The following ALMS1 variants were observed in gnomAD, a reference collection of about 807,000 sequenced individuals.
ALMS1 encodes the protein ALMS1 centrosome and basal body associated protein.
A neutral mutation model predicts 352.2 loss-of-function variants in ALMS1; 271 were observed. That is an observed-to-expected ratio of 0.77 (90% CI 0.70 to 0.85). The LOEUF is 0.85. ALMS1 is among the 40% of genes least tolerant of loss of function. ALMS1 has a pLI of 0.00. For synonymous variants in ALMS1, 1,865 were observed against 1,761.2 expected, an observed-to-expected ratio of 1.06 and a Z score of -1.48; for missense variants, 5,445 against 4,870.7, an observed-to-expected ratio of 1.12 and a Z score of -3.51.
intron 1 of ALMS1, 146 bp from the exon 2 acceptor site, chr2:73,408,476 C>A: frequency 2.1e-6 from 2 of 931,246 alleles, no homozygotes; most frequent in Non-Finnish European, 3.3e-6. Flanking sequence ...AGGATAATAG[C>A]TTGTATAATG....
intron 10 of ALMS1, among the ~76,000 whole-genome samples, chr2:73,501,786 C>T (rs1241956289): frequency 6.6e-6 from 1 of 152,034 alleles, no homozygotes; most frequent in East Asian, 1.9e-4. Flanking sequence ...TTTGCATTTT[C>T]ATACAAATTT....
In ALMS1 at chr2:73,491,475, G is replaced by A; in HGVS notation, c.9516G>A (p.Glu3172=). 6.2e-7 allele frequency: 1 copy of A among 1,614,030 alleles called. No individual in the cohort carries two copies. Among genetic ancestry groups the A allele is most frequent in the Non-Finnish European group, 8.5e-7 (1 of 1,179,998 alleles). ...ISDFEGHSNP[E]GTPVFADRLP... ...ATTTCGAAGGACATTCCAATCCAGA[G>A]GGGACCCCAGTATTTGCAGATCGGT... The change falls in exon 10 of 23, where the codon GAG becomes GAA. Residue 3172 remains glutamate (E), a synonymous_variant. Coordinates refer to ENST00000613296, the MANE Select transcript of ALMS1 (RefSeq NM_001378454.1).
At chr2:73,425,446 A>T (rs1671360886) in intron 5 of ALMS1, among the ~76,000 whole-genome samples, 1 of 152,278 alleles carries the variant, frequency 6.6e-6, no homozygotes, top group Non-Finnish European at 1.5e-5. Context: ...AATACCTCTA[A>T]AATGGAGGCT....
intron 6 of ALMS1, among the ~76,000 whole-genome samples, chr2:73,426,880 T>C (rs1013744498): frequency 6.6e-6 from 1 of 152,234 alleles, no homozygotes; most frequent in African/African-American, 2.4e-5. Flanking sequence ...CAAATTTTAT[T>C]TGAAAATACT....
In ALMS1 at chr2:73,417,096, C is replaced by G. The variant is rs552937641; in HGVS notation, c.451-2027C>G. Reference sequence around the variant, plus strand: ...TAACAGAGCAAAAGCCTGTCTCACACACACAAAAAAAGAAAAACTGCAAAT... The same window carrying G: ...TAACAGAGCAAAAGCCTGTCTCACAGACACAAAAAAAGAAAAACTGCAAAT... On this transcript the variant is annotated intron_variant, in intron 2 of 22. Transcript: ENST00000613296. Among the ~76,000 whole-genome samples, 7 of 151,420 alleles carry G rather than the reference C, an allele frequency of 4.6e-5. No homozygotes were observed. In the South Asian group the frequency reaches 1.2e-3, roughly 27 times the overall value.
chr2:73,477,482 T>G (rs1672606653), intron 9 of ALMS1, among the ~76,000 whole-genome samples: 1 of 151,978 alleles, frequency 6.6e-6, no homozygotes, highest in Non-Finnish European at 1.5e-5. Flanking sequence ...TATGATCTGC[T>G]TGTCAATTAC....
At chr2:73,561,471 C>G (rs1376837639) in intron 15 of ALMS1, among the ~76,000 whole-genome samples, 1 of 152,110 alleles carries the variant, frequency 6.6e-6, no homozygotes, top group African/African-American at 2.4e-5. Context: ...ATTTCTCTTT[C>G]TTTTTAATTT....
chr2:73,450,848 C>T lies in ALMS1; in HGVS notation c.4321C>T (p.Gln1441Ter). ...AGAGAAGCCTGGTAGTTTCTACCAA[C>T]AGGTCTTGCCACATAGTCATCTACC... Reference protein sequence around the residue: ...HTEKPGSFYQQVLPHSHLPEE... With the variant: ...HTEKPGSFYQ Residue 1441 changes from glutamine (Q) to a stop codon, truncating the protein, a stop_gained, in exon 8 of 23, where the codon CAG becomes TAG. Coordinates refer to ENST00000613296, the MANE Select transcript of ALMS1 (RefSeq NM_001378454.1). LOFTEE classifies it high-confidence loss of function. The T allele has an allele frequency of 6.2e-7, 1 of 1,614,146 alleles. No individual in the cohort carries two copies. The highest frequency in any genetic ancestry group is 1.1e-5 in the South Asian group (1 of 91,084).
At chr2:73,515,057 A>C (rs150457670) in intron 10 of ALMS1, among the ~76,000 whole-genome samples, 1,573 of 152,240 alleles carry the variant, frequency 0.01, 40 homozygotes, top group African/African-American at 0.036. Flanking sequence ...TTCTCCTAGG[A>C]GTAAGATTAC....
chr2:73,535,279 TA>T (rs1387601689), intron 12 of ALMS1, among the ~76,000 whole-genome samples: 2 of 152,220 alleles, frequency 1.3e-5, no homozygotes, highest in Admixed American at 1.3e-4. Flanking sequence ...AATAAGCAAT[TA>T]TTTTTTTCAA....
intron 15 of ALMS1, among the ~76,000 whole-genome samples, chr2:73,562,829 G>C (rs950650591): frequency 1.3e-5 from 2 of 152,120 alleles, no homozygotes; most frequent in African/African-American, 4.8e-5. Flanking sequence ...AGAGGTTGCA[G>C]TGAGCTGAGA....
intron 12 of ALMS1, among the ~76,000 whole-genome samples, chr2:73,546,716 T>G: frequency 6.6e-6 from 1 of 151,762 alleles, no homozygotes; most frequent in East Asian, 1.9e-4. Context: ...GAGAGTGGAG[T>G]GTGAGAATGT....
chr2:73,478,079 G>A (rs1049402636), intron 9 of ALMS1, among the ~76,000 whole-genome samples: 1 of 152,150 alleles, frequency 6.6e-6, no homozygotes, highest in Non-Finnish European at 1.5e-5. Context: ...TTCATTATTC[G>A]GTATTATGTT....
intron 9 of ALMS1, among the ~76,000 whole-genome samples, chr2:73,479,733 C>T (rs971145230): frequency 1.1e-4 from 16 of 152,120 alleles, no homozygotes; most frequent in African/African-American, 3.4e-4. Context: ...GGGGTAGATG[C>T]CCAGGATTGC....
chr2:73,602,095 C>CT (rs761995818), intron 19 of ALMS1, 90 bp from the exon 20 acceptor site: 26 of 1,349,264 alleles, frequency 1.9e-5, no homozygotes, highest in Non-Finnish European at 2.7e-5. Flanking sequence ...CCCCAAACCT[C>CT]TTGGGCAGGT....
At chr2:73,479,162 T>C (rs1672644126) in intron 9 of ALMS1, among the ~76,000 whole-genome samples, 1 of 152,170 alleles carries the variant, frequency 6.6e-6, no homozygotes, top group South Asian at 2.1e-4. Context: ...AAGTCAACAT[T>C]TTGTTTTGAA....
At chr2:73,583,356 T>TTTG (rs1228157341) in intron 16 of ALMS1, among the ~76,000 whole-genome samples, 1 of 152,062 alleles carries the variant, frequency 6.6e-6, no homozygotes. Context: ...GTATTTGATT[T>TTTG]TTGTTGTTGT....
chr2:73,587,337 G>C (rs1000893586), intron 16 of ALMS1, among the ~76,000 whole-genome samples: 11 of 152,112 alleles, frequency 7.2e-5, no homozygotes, highest in Non-Finnish European at 1.6e-4. Context: ...ATGAAAGTGG[G>C]CATTCTTGTC....
chr2:73,399,188 A>G lies in ALMS1; in HGVS notation c.325-9434A>G, dbSNP rs1263257829. 2.0e-5 allele frequency among the ~76,000 whole-genome samples: 3 copies of G among 152,292 alleles called. No individual in the cohort carries two copies. The East Asian group carries it at 5.8e-4, about 29-fold the overall frequency. On this transcript the variant is annotated intron_variant, in intron 1 of 22. Transcript: ENST00000613296. ...ATAGACAGACAGTCATGTCATCTGC[A>G]AACAGAGTTTTATTTCCTCCTTCCC... is the stretch of plus-strand genomic sequence containing the variant.
Sources: allele counts gnomAD v4.1 joint callset (sites outside exome capture counted in the v4.1 genomes callset), GRCh38; gene constraint gnomAD v4.1.1; transcripts MANE v1.5; gene names NCBI Gene and HGNC (gene_info 2026-07-23, HGNC 2026-07-21).